GABRB1: variants seen among roughly 807,000 people sequenced by gnomAD.
GABRB1 encodes gamma-aminobutyric acid type A receptor subunit beta1.
A neutral mutation model predicts 51.6 loss-of-function variants in GABRB1; 17 were observed. The ratio of observed to expected loss-of-function variants is 0.33; its 90% CI spans 0.23 to 0.49. GABRB1 has a LOEUF of 0.49. Among genes scored for constraint, GABRB1 ranks in the 20% least tolerant of loss-of-function variants. The probability of loss-of-function intolerance (pLI) is 0.99; values close to 1 mark genes in which losing one functional copy is unlikely to be tolerated. For synonymous variants in GABRB1, 247 were observed against 218.9 expected, an observed-to-expected ratio of 1.13 and a Z score of -1.14; for missense variants, 410 against 600.6, an observed-to-expected ratio of 0.68 and a Z score of 3.32.
At chr4:47,363,393 G>T (rs370054438) in intron 5 of GABRB1, among the ~76,000 whole-genome samples, 4 of 151,958 alleles carry the variant, frequency 2.6e-5, no homozygotes, top group African/African-American at 9.7e-5. Flanking sequence ...TGTATGTGTC[G>T]GTTATGGGGG....
At chr4:47,162,394 G>A (rs1465278686) in intron 4 of GABRB1, among the ~76,000 whole-genome samples, 2 of 151,916 alleles carry the variant, frequency 1.3e-5, no homozygotes, top group African/African-American at 2.4e-5. Context: ...ACCATGACAT[G>A]TGTAAGTATA....
At chr4:47,238,228 ATAAT>A (rs1043980031) in intron 4 of GABRB1, among the ~76,000 whole-genome samples, 1 of 152,052 alleles carries the variant, frequency 6.6e-6, no homozygotes. Context: ...ACATATAAAC[ATAAT>A]TAATAAGCTG....
chr4:47,071,503 T>G (rs1349095502), intron 3 of GABRB1, among the ~76,000 whole-genome samples: 1 of 152,114 alleles, frequency 6.6e-6, no homozygotes, highest in African/African-American at 2.4e-5. Context: ...CTTCACAAGG[T>G]ATAAAATGGC....
At chr4:47,008,464 CT>C (rs747910509) in intron 1 of GABRB1, among the ~76,000 whole-genome samples, 92 of 143,968 alleles carry the variant, frequency 6.4e-4, no homozygotes, top group Middle Eastern at 7.2e-3. Context: ...AAATATTTTA[CT>C]TTTTTTTTTT....
At chr4:47,096,646 T>A (rs545161802) in intron 3 of GABRB1, among the ~76,000 whole-genome samples, 2 of 152,144 alleles carry the variant, frequency 1.3e-5, no homozygotes, top group South Asian at 4.2e-4. Flanking sequence ...TCTAATCAAG[T>A]GGGTTGTTAA....
At chr4:47,243,525 A>T (rs1721616891) in intron 4 of GABRB1, among the ~76,000 whole-genome samples, 1 of 152,134 alleles carries the variant, frequency 6.6e-6, no homozygotes, top group Non-Finnish European at 1.5e-5. Flanking sequence ...ATGAGCATGG[A>T]ATGTTCTTCC....
At chr4:47,138,347 G>A (rs1716766609) in intron 3 of GABRB1, among the ~76,000 whole-genome samples, 1 of 152,016 alleles carries the variant, frequency 6.6e-6, no homozygotes, top group South Asian at 2.1e-4. Context: ...TGTAGTTGAT[G>A]TACAGGTATT....
chr4:47,127,195 G>A (rs1326002834), intron 3 of GABRB1, among the ~76,000 whole-genome samples: 1 of 151,620 alleles, frequency 6.6e-6, no homozygotes, highest in Non-Finnish European at 1.5e-5. Flanking sequence ...TTAATAATGA[G>A]AATAGTAGAC....
At chr4:47,332,818 A>G (rs1205585702) in intron 5 of GABRB1, among the ~76,000 whole-genome samples, 1 of 152,116 alleles carries the variant, frequency 6.6e-6, no homozygotes, top group Non-Finnish European at 1.5e-5. Context: ...GAAATGAAAT[A>G]AAGTACAGCA....
intron 4 of GABRB1, among the ~76,000 whole-genome samples, chr4:47,265,099 A>G (rs954234102): frequency 2.6e-5 from 4 of 152,086 alleles, no homozygotes; most frequent in African/African-American, 9.7e-5. Context: ...TAGTGTAACC[A>G]TCACTCCCCT....
At chr4:47,184,353 A>G (rs931341704) in intron 4 of GABRB1, among the ~76,000 whole-genome samples, 25 of 151,906 alleles carry the variant, frequency 1.6e-4, no homozygotes, top group African/African-American at 5.6e-4. Context: ...ACATTTCTCC[A>G]TTCCCTTAAG....
chr4:47,019,667 C>CTTTCTTTCTT (rs1724861536), intron 1 of GABRB1, among the ~76,000 whole-genome samples: 1 of 136,562 alleles, frequency 7.3e-6, no homozygotes, highest in South Asian at 2.4e-4. Context: ...TTCTTTCTTT[C>CTTTCTTTCTT]TTTCTTTCTT....
chr4:47,022,864 T>C (rs1185918323), intron 1 of GABRB1, among the ~76,000 whole-genome samples: 1 of 152,038 alleles, frequency 6.6e-6, no homozygotes, highest in East Asian at 1.9e-4. Context: ...CAAAGAGATA[T>C]CTCCACTGCT....
At chr4:47,386,395 A>G (rs1467650960) in intron 5 of GABRB1, among the ~76,000 whole-genome samples, 1 of 152,196 alleles carries the variant, frequency 6.6e-6, no homozygotes, top group East Asian at 1.9e-4. Flanking sequence ...TATGAAGACA[A>G]ATAAAATGTA....
intron 3 of GABRB1, among the ~76,000 whole-genome samples, chr4:47,045,578 C>T (rs1472896289): frequency 1.3e-5 from 2 of 151,758 alleles, no homozygotes; most frequent in African/African-American, 4.8e-5. Flanking sequence ...GATGGGAAAT[C>T]CAAGATCAAG....
intron 4 of GABRB1, among the ~76,000 whole-genome samples, chr4:47,268,298 C>G (rs1018862143): frequency 6.6e-6 from 1 of 151,776 alleles, no homozygotes; most frequent in African/African-American, 2.4e-5. Flanking sequence ...TGTTAGACAC[C>G]CTGTTGATGT....
At position 47,038,539 on chromosome 4, in the gene GABRB1, A is replaced by C. The variant is rs555708530; in HGVS notation, c.240+6055A>C. ...ACTTGTTGTGAAACAGAAGGAAAGT[A>C]TTATTTTTGAAGATCTGAGTATCCC... On this transcript the variant is annotated intron_variant, in intron 3 of 8. Transcript: ENST00000295454. 1.4e-4 allele frequency among the ~76,000 whole-genome samples: 21 copies of C among 152,310 alleles called. No homozygotes were observed. The East Asian group carries it at 3.9e-3, about 28-fold the overall frequency.
chr4:47,325,077 C>G (rs1451369265), intron 5 of GABRB1, among the ~76,000 whole-genome samples: 3 of 152,156 alleles, frequency 2.0e-5, no homozygotes, highest in South Asian at 2.1e-4. Flanking sequence ...CCCTCTAACC[C>G]AATTTCTGCC....
intron 3 of GABRB1, among the ~76,000 whole-genome samples, chr4:47,064,592 C>T (rs886504120): frequency 7.0e-6 from 1 of 142,626 alleles, no homozygotes; most frequent in African/African-American, 2.6e-5. Flanking sequence ...GAGTCAAGAT[C>T]GCGCCATTGC....
Sources: gnomAD v4.1 joint callset for allele counts (sites outside exome capture counted in the v4.1 genomes callset) on GRCh38, gnomAD v4.1.1 for gene constraint, MANE v1.5 for transcripts, NCBI Gene and HGNC (gene_info 2026-07-23, HGNC 2026-07-21) for gene names.